Variants in LINGO2 observed in about 807,000 individuals in gnomAD.
The protein encoded by LINGO2 is leucine-rich repeat and immunoglobulin-like domain-containing nogo receptor-interacting protein 2.
Under a neutral mutation model 30.6 loss-of-function variants are expected in LINGO2, and 14 were observed. That is an observed-to-expected ratio of 0.46 (90% confidence interval 0.30 to 0.72). The LOEUF (loss-of-function observed/expected upper bound fraction) is 0.72, where lower values mean the gene tolerates loss of function less well. Among genes scored for constraint, LINGO2 ranks in the 30% least tolerant of loss-of-function variants. The probability of loss-of-function intolerance (pLI) is 0.07; values close to 1 mark genes in which losing one functional copy is unlikely to be tolerated. For synonymous variants in LINGO2, 317 were observed against 288.5 expected (o/e 1.10, Z -1.00); for missense variants, 729 against 751.7 (o/e 0.97, Z 0.35).
At chr9:27,960,149 G>C (rs1274463525) in intron 5 of LINGO2, among the ~76,000 whole-genome samples, 1 of 152,036 alleles carries the variant, frequency 6.6e-6, no homozygotes, top group Non-Finnish European at 1.5e-5. Context: ...ATATTCAAGA[G>C]AACGACAGGA....
At chr9:28,769,792 T>C in the LINGO2 span, among the ~76,000 whole-genome samples, 1 of 151,572 alleles carries the variant, frequency 6.6e-6, no homozygotes, top group African/African-American at 2.4e-5. Flanking sequence ...CTGCAATCTT[T>C]TTTGGCATGC....
intron 4 of LINGO2, among the ~76,000 whole-genome samples, chr9:28,256,239 A>G (rs567055002): frequency 6.6e-6 from 1 of 152,028 alleles, no homozygotes; most frequent in Non-Finnish European, 1.5e-5. Context: ...TTTTCTTCAA[A>G]AGTAAAATGC....
chr9:28,093,453 C>T (rs1285985431), intron 4 of LINGO2, among the ~76,000 whole-genome samples: 3 of 151,768 alleles, frequency 2.0e-5, no homozygotes, highest in African/African-American at 4.8e-5. Flanking sequence ...AGGGTCACTG[C>T]GAAACTTAAA....
intron 1 of LINGO2, among the ~76,000 whole-genome samples, chr9:28,587,034 G>A (rs1023689080): frequency 8.6e-5 from 13 of 151,848 alleles, no homozygotes; most frequent in African/African-American, 3.1e-4. Flanking sequence ...GGATTCGTAA[G>A]GCTTCATACA....
At chr9:29,101,492 T>G in the LINGO2 span, among the ~76,000 whole-genome samples, 5 of 152,314 alleles carry the variant, frequency 3.3e-5, no homozygotes, top group African/African-American at 1.2e-4. Context: ...TGTAGGCCTT[T>G]TTGTAGCTAT....
chr9:28,822,945 T>C, the LINGO2 span, among the ~76,000 whole-genome samples: 1 of 152,154 alleles, frequency 6.6e-6, no homozygotes, highest in Non-Finnish European at 1.5e-5. Context: ...ATAAAAAATA[T>C]ACTTTTTTAT....
chr9:28,313,794 G>A (rs1824724176), intron 3 of LINGO2, among the ~76,000 whole-genome samples: 1 of 152,158 alleles, frequency 6.6e-6, no homozygotes, highest in South Asian at 2.1e-4. Context: ...TTAACTAGAA[G>A]TCCTATCCAC....
intron 1 of LINGO2, among the ~76,000 whole-genome samples, chr9:28,636,314 T>G (rs1220275763): frequency 1.3e-5 from 2 of 152,162 alleles, no homozygotes; most frequent in Non-Finnish European, 2.9e-5. Context: ...AGCAGCATGT[T>G]TTATAATCCT....
chr9:28,912,078 T>A, the LINGO2 span, among the ~76,000 whole-genome samples: 112,833 of 152,082 alleles, frequency 0.74, 42,001 homozygotes, highest in Non-Finnish European at 0.78. Context: ...TAAGGCAACC[T>A]GCCATCGGCC....
chr9:28,750,836 C>A, the LINGO2 span, among the ~76,000 whole-genome samples: 4 of 152,092 alleles, frequency 2.6e-5, no homozygotes, highest in Admixed American at 6.5e-5. Context: ...TGCCACGGAC[C>A]TTTTGAGCTC....
chr9:28,519,023 G>T (rs1039584563), intron 1 of LINGO2, among the ~76,000 whole-genome samples: 2 of 151,800 alleles, frequency 1.3e-5, no homozygotes, highest in Non-Finnish European at 1.5e-5. Context: ...TTGGTTTGTT[G>T]TTGTTTTGTT....
intron 4 of LINGO2, among the ~76,000 whole-genome samples, chr9:28,236,647 C>T (rs1006395850): frequency 1.4e-4 from 21 of 152,234 alleles, no homozygotes; most frequent in Admixed American, 7.2e-4. Flanking sequence ...ATAAACATCA[C>T]ATATTCTCAC....
At chr9:29,093,291 G>C in the LINGO2 span, among the ~76,000 whole-genome samples, 1 of 132,382 alleles carries the variant, frequency 7.6e-6, no homozygotes, top group African/African-American at 2.8e-5. Context: ...ATTTTTTCAA[G>C]AATTGAGTAG....
intron 1 of LINGO2, among the ~76,000 whole-genome samples, chr9:28,602,105 C>G (rs1426273040): frequency 1.3e-5 from 2 of 152,020 alleles, no homozygotes; most frequent in African/African-American, 4.8e-5. Flanking sequence ...AGAAACCAAG[C>G]AAAGTTGTGA....
intron 3 of LINGO2, among the ~76,000 whole-genome samples, chr9:28,312,083 A>G (rs1824645000): frequency 6.6e-6 from 1 of 152,046 alleles, no homozygotes; most frequent in Non-Finnish European, 1.5e-5. Context: ...TTCTGAAATT[A>G]GCTAACCATT....
Position 28,601,099 on chromosome 9 carries a change from G to A in LINGO2, c.-365+69101C>T, listed in dbSNP as rs138012807. ...TTTTCTCCGTGACACACCTAGCAAG[G>A]CATTTTCAAGTCCAATTTATTTACA... On this transcript the variant is annotated intron_variant, in intron 1 of 5. Transcript: ENST00000379992. Among the ~76,000 whole-genome samples the A allele has an allele frequency of 4.2e-3, 632 of 152,098 alleles. 2 individuals are homozygous for A. The highest frequency in any genetic ancestry group is 0.014 in the African/African-American group (583 of 41,496).
the LINGO2 span, among the ~76,000 whole-genome samples, chr9:29,096,576 A>G: frequency 5.7e-5 from 8 of 140,604 alleles, 1 homozygote; most frequent in Admixed American, 3.6e-4. Context: ...GTGAGCCACC[A>G]TGGCCAGCCT....
chr9:29,171,052 T>A, the LINGO2 span, among the ~76,000 whole-genome samples: 2 of 152,140 alleles, frequency 1.3e-5, no homozygotes, highest in African/African-American at 4.8e-5. Flanking sequence ...ACTTCTTCTA[T>A]CCTGTGTGGT....
At chr9:28,025,220 A>G (rs540602720) in intron 4 of LINGO2, among the ~76,000 whole-genome samples, 3 of 152,142 alleles carry the variant, frequency 2.0e-5, no homozygotes, top group Non-Finnish European at 2.9e-5. Context: ...CCACTATTAC[A>G]TCCCAAAGTT....
Sources: allele counts gnomAD v4.1 joint callset (sites outside exome capture counted in the v4.1 genomes callset), GRCh38; gene constraint gnomAD v4.1.1; transcripts MANE v1.5; gene names NCBI Gene and HGNC (gene_info 2026-07-23, HGNC 2026-07-21).